PARD3B: variants seen among roughly 807,000 people sequenced by gnomAD.
PARD3B encodes the protein partitioning defective 3 homolog B.
Under a neutral mutation model 130.2 loss-of-function variants are expected in PARD3B, and 103 were observed. The observed-to-expected ratio is 0.79, with a 90% CI of 0.67 to 0.93. The LOEUF (loss-of-function observed/expected upper bound fraction) is 0.93. PARD3B is among the 40% of genes least tolerant of loss of function. The pLI is 0.00. For synonymous variants in PARD3B, 583 were observed against 553.2 expected, an observed-to-expected ratio of 1.05 and a Z score of -0.76; for missense variants, 1,609 against 1,499.2, an observed-to-expected ratio of 1.07 and a Z score of -1.21.
intron 1 of PARD3B, among the ~76,000 whole-genome samples, chr2:204,631,727 G>A (rs999854614): frequency 6.6e-6 from 1 of 152,210 alleles, no homozygotes; most frequent in Non-Finnish European, 1.5e-5. Context: ...GTGTTTTTTT[G>A]TAGTGGCTGG....
intron 2 of PARD3B, among the ~76,000 whole-genome samples, chr2:204,740,213 G>GT (rs2039947236): frequency 6.6e-6 from 1 of 151,614 alleles, no homozygotes; most frequent in Non-Finnish European, 1.5e-5. Flanking sequence ...TAGAGACAGG[G>GT]TTTTTGCCAT....
intron 1 of PARD3B, among the ~76,000 whole-genome samples, chr2:204,679,758 G>A (rs1382676812): frequency 6.6e-6 from 1 of 151,446 alleles, no homozygotes; most frequent in African/African-American, 2.4e-5. Flanking sequence ...GTGATTTGGT[G>A]GTGCCTATTC....
intron 2 of PARD3B, among the ~76,000 whole-genome samples, chr2:204,901,024 CA>C (rs1559241439): frequency 6.6e-6 from 1 of 152,050 alleles, no homozygotes; most frequent in Non-Finnish European, 1.5e-5. Flanking sequence ...AGGGGTGACA[CA>C]AGGACCCTTG....
chr2:204,805,479 C>G (rs1381802997), intron 2 of PARD3B, among the ~76,000 whole-genome samples: 1 of 151,916 alleles, frequency 6.6e-6, no homozygotes, highest in Non-Finnish European at 1.5e-5. Context: ...CTGAATTTCA[C>G]CAAACATTTA....
intron 18 of PARD3B, among the ~76,000 whole-genome samples, chr2:205,343,128 G>A (rs935338507): frequency 2.6e-5 from 4 of 152,232 alleles, no homozygotes; most frequent in African/African-American, 4.8e-5. Context: ...GACTAAGGTC[G>A]TCTTACTTCT....
chr2:205,524,010 T>C (rs1445275887), intron 21 of PARD3B, among the ~76,000 whole-genome samples: 1 of 152,086 alleles, frequency 6.6e-6, no homozygotes, highest in African/African-American at 2.4e-5. Context: ...CCCAAGGTTT[T>C]TTTCCTGAAA....
At chr2:205,029,356 G>C (rs1475179588) in intron 3 of PARD3B, among the ~76,000 whole-genome samples, 1 of 151,978 alleles carries the variant, frequency 6.6e-6, no homozygotes, top group Non-Finnish European at 1.5e-5. Context: ...TGGTGTCTTT[G>C]TGCCTAGTAC....
At chr2:204,953,472 T>A (rs1411934932) in intron 2 of PARD3B, among the ~76,000 whole-genome samples, 1 of 131,490 alleles carries the variant, frequency 7.6e-6, no homozygotes, top group Non-Finnish European at 1.7e-5. Context: ...GAGAGAAGGC[T>A]GGAGGGAAAG....
intron 16 of PARD3B, among the ~76,000 whole-genome samples, chr2:205,251,625 A>G (rs2125930082): frequency 6.6e-6 from 1 of 152,298 alleles, no homozygotes; most frequent in East Asian, 1.9e-4. Context: ...CCATACTTTT[A>G]TAGAATATTA....
chr2:205,176,507 C>A lies in PARD3B; in HGVS notation c.1854C>A (p.Thr618=). The change falls in exon 13 of 23, where the codon ACC becomes ACA. Residue 618 remains threonine, a synonymous_variant. Coordinates refer to ENST00000406610, the MANE Select transcript of PARD3B (RefSeq NM_001302769.2). The surrounding 1 kb of genome is among the most constrained non-coding windows in gnomAD (Gnocchi z 5.3). ...PCFENCQNAV[T]TSRRNDNSIL... ...TTGAGAACTGTCAAAATGCTGTAAC[C>A]ACCTCTAGGCGAAATGATAATAGTA... is the stretch of plus-strand genomic sequence containing the variant. 1 of 1,612,320 alleles carries A rather than the reference C, an allele frequency of 6.2e-7. No homozygotes were observed. The highest frequency in any genetic ancestry group is 8.5e-7 in the Non-Finnish European group (1 of 1,178,740).
intron 10 of PARD3B, among the ~76,000 whole-genome samples, chr2:205,148,384 A>G (rs2033517245): frequency 6.6e-6 from 1 of 152,188 alleles, no homozygotes; most frequent in Non-Finnish European, 1.5e-5. Context: ...GTACAATTGA[A>G]AATAAAATGC....
At chr2:205,457,432 G>T (rs1162063668) in intron 20 of PARD3B, among the ~76,000 whole-genome samples, 1 of 151,678 alleles carries the variant, frequency 6.6e-6, no homozygotes, top group East Asian at 1.9e-4. Flanking sequence ...ATGTTTTCAT[G>T]TATCTTAAAT....
intron 21 of PARD3B, among the ~76,000 whole-genome samples, chr2:205,501,209 C>T (rs1431292452): frequency 6.6e-6 from 1 of 152,200 alleles, no homozygotes; most frequent in Non-Finnish European, 1.5e-5. Flanking sequence ...AAGATTGCAC[C>T]TGTATAATGG....
chr2:204,584,573 C>CA (rs1392532158), intron 1 of PARD3B, among the ~76,000 whole-genome samples: 1 of 152,140 alleles, frequency 6.6e-6, no homozygotes, highest in Non-Finnish European at 1.5e-5. Flanking sequence ...CTTTGCTGCA[C>CA]AAAAGGGCCA....
intron 16 of PARD3B, among the ~76,000 whole-genome samples, chr2:205,297,743 A>G (rs1377601065): frequency 6.6e-6 from 1 of 152,116 alleles, no homozygotes; most frequent in Admixed American, 6.5e-5. Context: ...TTTTTTTTCC[A>G]ATCCTGAAAA....
At chr2:204,998,112 C>T (rs1694392858) in intron 3 of PARD3B, among the ~76,000 whole-genome samples, 1 of 148,592 alleles carries the variant, frequency 6.7e-6, no homozygotes, top group African/African-American at 2.5e-5. Flanking sequence ...GCAAGAAAGA[C>T]AAATATAAGA....
chr2:205,118,752 T>C (rs2030245779), intron 6 of PARD3B, among the ~76,000 whole-genome samples, 169 bp from the exon 7 acceptor site: 1 of 152,204 alleles, frequency 6.6e-6, no homozygotes, highest in South Asian at 2.1e-4. Context: ...TTGTAGTCAG[T>C]TTTGGCTTTT....
At chr2:204,790,621 A>G (rs1284466323) in intron 2 of PARD3B, among the ~76,000 whole-genome samples, 1 of 152,216 alleles carries the variant, frequency 6.6e-6, no homozygotes, top group Non-Finnish European at 1.5e-5. Flanking sequence ...AGAGTCTGCC[A>G]ATTTAGTAGA....
chr2:204,872,747 T>G (rs1382398047), intron 2 of PARD3B, among the ~76,000 whole-genome samples: 1 of 152,212 alleles, frequency 6.6e-6, no homozygotes, highest in African/African-American at 2.4e-5. Flanking sequence ...ATGAATAATT[T>G]TCATTTACCT....
Sources: allele counts gnomAD v4.1 joint callset (sites outside exome capture counted in the v4.1 genomes callset), GRCh38; gene constraint gnomAD v4.1.1; non-coding constraint Gnocchi (gnomAD v3.1); transcripts MANE v1.5; gene names NCBI Gene and HGNC (gene_info 2026-07-23, HGNC 2026-07-21).